LRMDA: variants seen among roughly 807,000 people sequenced by gnomAD.
LRMDA encodes the protein leucine-rich melanocyte differentiation-associated protein.
Under a neutral mutation model 29.8 loss-of-function variants are expected in LRMDA, and 18 were observed. The ratio of observed to expected loss-of-function variants is 0.60; its 90% CI spans 0.42 to 0.90. The LOEUF (loss-of-function observed/expected upper bound fraction) is 0.90, where lower values mean the gene tolerates loss of function less well. Ranked by LOEUF, LRMDA falls within the 40% of genes least tolerant of loss-of-function variation. LRMDA has a pLI of 0.00. For synonymous variants in LRMDA, 125 were observed against 109.4 expected (o/e 1.14, Z -0.89); for missense variants, 273 against 273.9 (o/e 1.00, Z 0.02).
intron 2 of LRMDA, among the ~76,000 whole-genome samples, chr10:75,739,603 G>T (rs1198837254): frequency 6.6e-6 from 1 of 152,166 alleles, no homozygotes; most frequent in Non-Finnish European, 1.5e-5. Context: ...TGGCTGAGGG[G>T]TATCAGGCAG....
chr10:76,049,064 G>A (rs1307161247), intron 4 of LRMDA, among the ~76,000 whole-genome samples: 1 of 152,158 alleles, frequency 6.6e-6, no homozygotes, highest in Admixed American at 6.5e-5. Flanking sequence ...AACAAATGCA[G>A]CTAATAAGCA....
At chr10:76,399,082 A>T (rs1368780040) in intron 6 of LRMDA, among the ~76,000 whole-genome samples, 1 of 152,186 alleles carries the variant, frequency 6.6e-6, no homozygotes, top group Non-Finnish European at 1.5e-5. Context: ...CTGGTCATAG[A>T]TGTTGTCTGT....
chr10:76,461,238 A>G (rs556403285), intron 6 of LRMDA, among the ~76,000 whole-genome samples: 29 of 152,158 alleles, frequency 1.9e-4, no homozygotes, highest in Non-Finnish European at 2.6e-4. Context: ...CTCGCCATGC[A>G]TGGTGTGAAA....
intron 5 of LRMDA, among the ~76,000 whole-genome samples, chr10:76,155,931 A>G (rs1224629875): frequency 6.6e-6 from 1 of 152,194 alleles, no homozygotes; most frequent in East Asian, 1.9e-4. Flanking sequence ...ATCCAATTAT[A>G]GCAACTCAAG....
At chr10:76,513,222 G>A (rs905009108) in intron 6 of LRMDA, among the ~76,000 whole-genome samples, 8 of 152,064 alleles carry the variant, frequency 5.3e-5, no homozygotes, top group African/African-American at 1.7e-4. Flanking sequence ...AGACCATGAA[G>A]GTTTGCCAAT....
At chr10:75,851,769 T>A (rs1844736857) in intron 2 of LRMDA, among the ~76,000 whole-genome samples, 1 of 152,324 alleles carries the variant, frequency 6.6e-6, no homozygotes, top group African/African-American at 2.4e-5. Context: ...ATGCTCCTAT[T>A]AATTATTTTG....
chr10:76,028,220 A>G (rs534482051), intron 2 of LRMDA, among the ~76,000 whole-genome samples: 2 of 152,312 alleles, frequency 1.3e-5, no homozygotes, highest in Admixed American at 6.5e-5. Flanking sequence ...GATTCCTAAT[A>G]AAGCTGAAAA....
chr10:75,698,238 C>A (rs1333586692), intron 2 of LRMDA, among the ~76,000 whole-genome samples: 1 of 152,082 alleles, frequency 6.6e-6, no homozygotes, highest in African/African-American at 2.4e-5. Context: ...GACATGGAAT[C>A]AGATTTGGAT....
chr10:76,231,134 T>TG (rs1589386022), intron 5 of LRMDA, among the ~76,000 whole-genome samples: 1 of 151,856 alleles, frequency 6.6e-6, no homozygotes, highest in South Asian at 2.1e-4. Flanking sequence ...CCATTCATGT[T>TG]GTGGGGGAAA....
chr10:76,467,465 A>G (rs1842575726), intron 6 of LRMDA, among the ~76,000 whole-genome samples: 1 of 152,220 alleles, frequency 6.6e-6, no homozygotes, highest in African/African-American at 2.4e-5. Flanking sequence ...ATTTCTCTAA[A>G]TAATCCAATT....
At position 75,616,249 on chromosome 10, in the gene LRMDA, TAGCAGCAGC is replaced by T. The variant is rs58265820; in HGVS notation, c.131+177782_131+177790del. ...ACAGTAATAGTAGCAGTAGCAGCAGTAGCAGCAGCAGCAGCAGCAGCAGCAGCAGCAGCA... is the reference window on the plus strand; with the variant it reads ...ACAGTAATAGTAGCAGTAGCAGCAGTAGCAGCAGCAGCAGCAGCAGCAGCA... On this transcript the variant is annotated intron_variant, in intron 2 of 6. Transcript: ENST00000611255. 7.3e-3 allele frequency among the ~76,000 whole-genome samples: 1,094 copies of T among 150,412 alleles called. 7 individuals are homozygous for T. Among genetic ancestry groups the T allele is most frequent in the African/African-American group, 0.012 (477 of 40,460 alleles).
chr10:76,065,158 G>A (rs192146790), intron 5 of LRMDA, among the ~76,000 whole-genome samples: 2 of 152,244 alleles, frequency 1.3e-5, no homozygotes, highest in Admixed American at 6.5e-5. Flanking sequence ...ATTTGAGGGA[G>A]AATCACTTAA....
chr10:75,974,849 A>G lies in LRMDA; in HGVS notation c.132-61159A>G, dbSNP rs117665962. 1.4e-4 allele frequency among the ~76,000 whole-genome samples: 21 copies of G among 152,306 alleles called. No individual in the cohort carries two copies. In the East Asian group the frequency reaches 3.9e-3, roughly 28 times the overall value. The stretch of plus-strand genomic sequence containing the variant: ...TACTAAATATATACCATAGATAATA[A>G]TTGCAGTATTATTAACATGATGAGG... On this transcript the variant is annotated intron_variant, in intron 2 of 6. Coordinates refer to ENST00000611255, the MANE Select transcript of LRMDA (RefSeq NM_001305581.2).
chr10:76,194,692 A>G (rs1220920073), intron 5 of LRMDA, among the ~76,000 whole-genome samples: 2 of 152,212 alleles, frequency 1.3e-5, no homozygotes, highest in Non-Finnish European at 2.9e-5. Flanking sequence ...TCTAGCTACC[A>G]TATCAACCTG....
chr10:76,215,429 A>T (rs1851711650), intron 5 of LRMDA, among the ~76,000 whole-genome samples: 1 of 152,184 alleles, frequency 6.6e-6, no homozygotes, highest in South Asian at 2.1e-4. Flanking sequence ...CAATAGCCTC[A>T]GAATCCTTTC....
At chr10:76,166,201 T>G (rs1421620155) in intron 5 of LRMDA, among the ~76,000 whole-genome samples, 1 of 152,198 alleles carries the variant, frequency 6.6e-6, no homozygotes, top group Non-Finnish European at 1.5e-5. Context: ...CATGAGGCTG[T>G]CTGTTAGGTT....
At chr10:75,971,251 G>C (rs960379292) in intron 2 of LRMDA, among the ~76,000 whole-genome samples, 3 of 152,060 alleles carry the variant, frequency 2.0e-5, no homozygotes, top group African/African-American at 7.2e-5. Context: ...AATGTCTTTT[G>C]TTCTTGGGGT....
chr10:76,508,078 A>T (rs1842976225), intron 6 of LRMDA, among the ~76,000 whole-genome samples: 1 of 152,188 alleles, frequency 6.6e-6, no homozygotes, highest in Non-Finnish European at 1.5e-5. Context: ...TAGATGATGC[A>T]TATTTGGCCA....
chr10:75,713,586 G>A lies in LRMDA; in HGVS notation c.131+275092G>A, dbSNP rs1170242524. On this transcript the variant is annotated intron_variant, in intron 2 of 6. Transcript: ENST00000611255. The stretch of plus-strand genomic sequence containing the variant: ...ACAACACAAGAATTGTTTGAAAAAT[G>A]AATAGGGAACTTATCCCAGGTTAGT... 4.6e-5 allele frequency among the ~76,000 whole-genome samples: 7 copies of A among 152,306 alleles called. No individual in the cohort carries two copies. The East Asian group carries it at 1.2e-3, about 25-fold the overall frequency.
Sources: gnomAD v4.1 joint callset for allele counts (sites outside exome capture counted in the v4.1 genomes callset) on GRCh38, gnomAD v4.1.1 for gene constraint, MANE v1.5 for transcripts, NCBI Gene and HGNC (gene_info 2026-07-23, HGNC 2026-07-21) for gene names.